NLRP5: variants seen among roughly 807,000 people sequenced by gnomAD.
NLRP5 encodes NACHT, LRR and PYD domains-containing protein 5.
NLRP5 carries 93 observed loss-of-function variants against 113.1 expected under a neutral mutation model. The ratio of observed to expected loss-of-function variants is 0.82; its 90% confidence interval spans 0.70 to 0.98. The LOEUF is 0.98. Ranked by LOEUF, NLRP5 falls within the 50% of genes least tolerant of loss-of-function variation. The probability of loss-of-function intolerance (pLI) is 0.00; values close to 1 mark genes in which losing one functional copy is unlikely to be tolerated. For missense variants in NLRP5, 1,808 were observed against 1,514.3 expected (o/e 1.19, Z -3.22); for synonymous variants, 751 against 600.7 (o/e 1.25, Z -3.66).
chr19:56,006,499 AGGTGGGT>A (rs1324132181), intron 2 of NLRP5, among the ~76,000 whole-genome samples: 6 of 152,134 alleles, frequency 3.9e-5, no homozygotes, highest in African/African-American at 1.4e-4. Context: ...TGGGAGGCCA[AGGTGGGT>A]GGATCATTTG....
chr19:56,031,412 TGA>T (rs1387668297), intron 7 of NLRP5, among the ~76,000 whole-genome samples: 5 of 151,892 alleles, frequency 3.3e-5, no homozygotes, highest in Admixed American at 3.3e-4. Context: ...GTGGATCACT[TGA>T]GGTCAGGAGT....
chr19:56,003,002 TTGG>T lies in NLRP5; in HGVS notation c.63-710_63-708del, dbSNP rs1239298796. Among the ~76,000 whole-genome samples the T allele has an allele frequency of 2.7e-5, 4 of 150,662 alleles. No homozygotes were observed. In the East Asian group the frequency reaches 7.9e-4, roughly 30 times the overall value. ...GAGAAATAGGAACACTTTTACACTG[TTGG>T]TGGGACCGTAAACTAGTTCAGCCAT... On this transcript the variant is annotated intron_variant, in intron 1 of 14. Coordinates refer to ENST00000390649, the MANE Select transcript of NLRP5 (RefSeq NM_153447.4).
intron 11 of NLRP5, among the ~76,000 whole-genome samples, chr19:56,041,296 A>G (rs556287308): frequency 2.0e-5 from 3 of 152,054 alleles, no homozygotes; most frequent in Non-Finnish European, 4.4e-5. Flanking sequence ...TTACAGTGGG[A>G]AGTCATTTGT....
chr19:56,041,901 A>G (rs895346031), intron 11 of NLRP5, among the ~76,000 whole-genome samples: 1 of 152,230 alleles, frequency 6.6e-6, no homozygotes, highest in African/African-American at 2.4e-5. Context: ...GTGAGCTGGC[A>G]TGAGCTGAGA....
intron 3 of NLRP5, among the ~76,000 whole-genome samples, chr19:56,014,312 C>T (rs1275880795): frequency 2.0e-5 from 3 of 151,962 alleles, no homozygotes; most frequent in South Asian, 4.2e-4. Context: ...AACCCTGTCT[C>T]TACTAAAATA....
chr19:56,025,414 GT>G (rs967283979), intron 6 of NLRP5, among the ~76,000 whole-genome samples: 11 of 133,556 alleles, frequency 8.2e-5, no homozygotes, highest in East Asian at 5.9e-4. Flanking sequence ...CTGTCTCTCT[GT>G]TTTTTTTTGA....
At chr19:55,988,151 G>T in the NLRP5 span, 1 of 318,164 alleles carries the variant, frequency 3.1e-6, no homozygotes, top group Non-Finnish European at 5.9e-6. Context: ...CAGCACTATG[G>T]GAGGTCGAGG....
At chr19:56,059,751 C>T (rs1984285947) in intron 14 of NLRP5, among the ~76,000 whole-genome samples, 2 of 152,046 alleles carry the variant, frequency 1.3e-5, no homozygotes, top group African/African-American at 2.4e-5. Flanking sequence ...GTCTCAAATT[C>T]CTGACCTCAT....
intron 9 of NLRP5, among the ~76,000 whole-genome samples, chr19:56,034,513 C>T (rs1983241035): frequency 6.6e-6 from 1 of 152,198 alleles, no homozygotes; most frequent in Non-Finnish European, 1.5e-5. Flanking sequence ...CAGTTTATTA[C>T]ATCTAGATTT....
intron 10 of NLRP5, among the ~76,000 whole-genome samples, chr19:56,040,535 C>G (rs1233813849): frequency 1.3e-5 from 2 of 152,062 alleles, no homozygotes; most frequent in Non-Finnish European, 2.9e-5. Context: ...CCACTGCACT[C>G]CAGCCTGGGC....
At chr19:55,989,064 G>A in the NLRP5 span, among the ~76,000 whole-genome samples, 196 of 152,120 alleles carry the variant, frequency 1.3e-3, 1 homozygote, top group Admixed American at 6.7e-3. Context: ...TCTTGCTATG[G>A]TTCTATTTTG....
At chr19:56,023,635 T>C (rs1463410880) in intron 6 of NLRP5, among the ~76,000 whole-genome samples, 1 of 152,062 alleles carries the variant, frequency 6.6e-6, no homozygotes, top group Non-Finnish European at 1.5e-5. Flanking sequence ...AATGAAGCAA[T>C]GTGTAGACAT....
chr19:56,061,730 A>G lies in NLRP5; in HGVS notation c.*202A>G, dbSNP rs1034111619. 8.7e-6 allele frequency: 5 copies of G among 574,660 alleles called. No homozygotes were observed. The highest frequency in any genetic ancestry group is 1.2e-5 in the Non-Finnish European group (4 of 325,096). The allele number at this position is 574,660 out of a possible 1,614,324, so 35.6% of individuals were successfully genotyped here. A position where few individuals can be genotyped will look rare whatever the true frequency, so the allele number is the denominator to read the frequency against. On this transcript the variant is annotated 3_prime_UTR_variant, in exon 15 of 15. Transcript: ENST00000390649. ...TTTGAAGGCTAGAGACCTTCAAGTC[A>G]TAGGACTCAGTATCTGTGAAATGTC...
At chr19:56,016,450 G>A (rs550452475) in intron 4 of NLRP5, among the ~76,000 whole-genome samples, 35 of 152,262 alleles carry the variant, frequency 2.3e-4, no homozygotes, top group Middle Eastern at 3.4e-3. Context: ...ACCACACCCA[G>A]CTGTGCTGAG....
At position 56,027,897 on chromosome 19, in the gene NLRP5, G is replaced by T; in HGVS notation, c.1664G>T (p.Gly555Val). The T allele has an allele frequency of 1.9e-6, 3 of 1,613,860 alleles. No homozygotes were observed. Among genetic ancestry groups the T allele is most frequent in the Non-Finnish European group, 8.5e-7 (1 of 1,179,842 alleles). The change falls in exon 7 of 15, where the codon GGA becomes GTA. Residue 555 changes from glycine to valine, a missense_variant. By Grantham distance (109) the Gly-to-Val change is moderately radical. Coordinates refer to ENST00000390649, the MANE Select transcript of NLRP5 (RefSeq NM_153447.4). ...GACGGTGACGACCTCATGGTTCAAG[G>T]ACTCGGGGAGTCTGAGCTCCGTGCT...
rs188004216 is a variant in NLRP5, at chr19:56,018,347, C to T, written c.566-995C>T. Among the ~76,000 whole-genome samples, 520 of 152,286 alleles carry T rather than the reference C, an allele frequency of 3.4e-3. 3 individuals carry two copies. Among genetic ancestry groups the T allele is most frequent in the African/African-American group, 0.012 (487 of 41,550 alleles). On this transcript the variant is annotated intron_variant, in intron 4 of 14. Coordinates refer to ENST00000390649, the MANE Select transcript of NLRP5 (RefSeq NM_153447.4). ...TATCCTAAGACGAATTTGTATTTAG[C>T]CTCACATGGTAACTATTTCCTGATA...
intron 13 of NLRP5, among the ~76,000 whole-genome samples, chr19:56,054,568 A>G (rs1332293217): frequency 3.0e-3 from 7 of 2,314 alleles, no homozygotes; most frequent in African/African-American, 6.8e-3. Context: ...AAAAAAAGTG[A>G]AAAAAAAAAA....
At chr19:55,990,096 T>C in the NLRP5 span, among the ~76,000 whole-genome samples, 2 of 108,106 alleles carry the variant, frequency 1.9e-5, no homozygotes, top group Admixed American at 9.3e-5. Context: ...TTTTTTTTTT[T>C]TTTTTTTTTT....
intron 3 of NLRP5, among the ~76,000 whole-genome samples, chr19:56,010,170 T>A (rs628370): frequency 2.4e-4 from 37 of 152,204 alleles, no homozygotes; most frequent in South Asian, 4.1e-4. Flanking sequence ...TTGAGACCAC[T>A]TGGATCACGC....
Sources: gnomAD v4.1 joint callset for allele counts (sites outside exome capture counted in the v4.1 genomes callset) on GRCh38, gnomAD v4.1.1 for gene constraint, MANE v1.5 for transcripts, NCBI Gene and HGNC (gene_info 2026-07-23, HGNC 2026-07-21) for gene names.